The following VAV3 variants were observed in gnomAD, a reference collection of about 807,000 sequenced individuals.
VAV3 encodes guanine nucleotide exchange factor VAV3.
Under a neutral mutation model 131.2 loss-of-function variants are expected in VAV3, and 94 were observed. That is an observed-to-expected ratio of 0.72 (90% CI 0.61 to 0.85). VAV3 has a LOEUF of 0.85. Among genes scored for constraint, VAV3 ranks in the 40% least tolerant of loss-of-function variants. The pLI, the probability that VAV3 is intolerant of heterozygous loss-of-function variation, is 0.00. For synonymous variants in VAV3, 349 were observed against 342.0 expected (o/e 1.02, Z -0.22); for missense variants, 939 against 1,002.7 (o/e 0.94, Z 0.86).
chr1:107,668,899 C>T (rs1657588080), intron 19 of VAV3: 1 of 986,030 alleles, frequency 1.0e-6, no homozygotes, highest in South Asian at 4.7e-5. Flanking sequence ...CAGAGGCATG[C>T]TGTAACAGTT....
At chr1:107,865,922 A>G (rs1251783479) in intron 2 of VAV3, among the ~76,000 whole-genome samples, 1 of 152,174 alleles carries the variant, frequency 6.6e-6, no homozygotes, top group East Asian at 1.9e-4. Flanking sequence ...ACACAGTAAG[A>G]GACAAAATGG....
intron 25 of VAV3, among the ~76,000 whole-genome samples, chr1:107,577,106 A>T (rs951620834): frequency 5.3e-5 from 8 of 152,276 alleles, no homozygotes; most frequent in African/African-American, 1.9e-4. Flanking sequence ...TTTACTTTTA[A>T]TATAAGAGCT....
intron 20 of VAV3, among the ~76,000 whole-genome samples, chr1:107,633,196 T>C (rs1654636137): frequency 6.6e-6 from 1 of 152,090 alleles, no homozygotes; most frequent in African/African-American, 2.4e-5. Context: ...TGAAAAAAGA[T>C]ACTATACATA....
Position 107,895,294 on chromosome 1 carries a change from T to C in VAV3, c.205-20277A>G, listed in dbSNP as rs532071174. ...ATTTCCTCAAAGGTGTAGAAAACCATGGCTAACATTTGTATTCCACTTACA... is the reference window on the plus strand; with the variant it reads ...ATTTCCTCAAAGGTGTAGAAAACCACGGCTAACATTTGTATTCCACTTACA... On this transcript the variant is annotated intron_variant, in intron 1 of 26. Transcript: ENST00000370056. Among the ~76,000 whole-genome samples the C allele has an allele frequency of 1.5e-4, 23 of 152,304 alleles. No individual in the cohort carries two copies. In the East Asian group the frequency reaches 3.9e-3, roughly 26 times the overall value.
At chr1:107,623,031 C>T (rs1653724035) in intron 20 of VAV3, among the ~76,000 whole-genome samples, 1 of 152,172 alleles carries the variant, frequency 6.6e-6, no homozygotes. Flanking sequence ...GAGTCAGAAA[C>T]TAGCCTTTGG....
At chr1:107,821,651 A>G (rs1667797843) in intron 2 of VAV3, among the ~76,000 whole-genome samples, 1 of 152,232 alleles carries the variant, frequency 6.6e-6, no homozygotes, top group East Asian at 1.9e-4. Flanking sequence ...TGGAGGGGCC[A>G]GGACATGCAT....
intron 2 of VAV3, among the ~76,000 whole-genome samples, chr1:107,848,250 T>G (rs1419214591): frequency 6.6e-6 from 1 of 150,942 alleles, no homozygotes; most frequent in Non-Finnish European, 1.5e-5. Flanking sequence ...GAGGCGGAGC[T>G]TGCAGTGAGC....
intron 2 of VAV3, among the ~76,000 whole-genome samples, chr1:107,797,395 G>A (rs1339818794): frequency 6.6e-6 from 1 of 152,098 alleles, no homozygotes; most frequent in Non-Finnish European, 1.5e-5. Flanking sequence ...GGGATGAAAG[G>A]GCAAGGGAAA....
chr1:107,794,912 C>T (rs188128836), intron 2 of VAV3, among the ~76,000 whole-genome samples: 3 of 152,280 alleles, frequency 2.0e-5, no homozygotes, highest in Admixed American at 1.3e-4. Context: ...GTGGGGTGTG[C>T]CACTGATGCA....
In VAV3 at chr1:107,761,028, T is replaced by C. The variant is rs1570911874; in HGVS notation, c.922-149A>G. On this transcript the variant is annotated intron_variant, in intron 9 of 26. Coordinates refer to ENST00000370056, the MANE Select transcript of VAV3 (RefSeq NM_006113.5). ...GTAAATAACAGAAAGTATCTTCAAT[T>C]TAAAAAAACAAATCTTGTAGTACTT... 11 of 509,916 alleles carry C rather than the reference T, an allele frequency of 2.2e-5. No individual in the cohort carries two copies. The South Asian group carries it at 3.7e-4, about 17-fold the overall frequency. The allele number at this position is 509,916 out of a possible 1,614,324, so 31.6% of individuals were successfully genotyped here.
At chr1:107,712,300 C>T (rs1385112965) in intron 15 of VAV3, among the ~76,000 whole-genome samples, 1 of 152,184 alleles carries the variant, frequency 6.6e-6, no homozygotes, top group Non-Finnish European at 1.5e-5. Flanking sequence ...TGGCCCAACA[C>T]AAATCCGTAA....
rs758885983 is a variant in VAV3 at position 107,772,762 on chromosome 1, T to C, written c.528A>G (p.Leu176=). ...EDEGGEVYED[L]MKAEEAHQPK... is the part of the protein sequence containing the mutation. The stretch of plus-strand genomic sequence containing the variant: ...GCTGATGTGCTTCCTCTGCCTTCAT[T>C]AAGTCCTCATAGACTTCTCCACCTT... Residue 176 remains leucine (L), a synonymous_variant, in exon 5 of 27, where the codon TTA becomes TTG. Coordinates refer to ENST00000370056, the MANE Select transcript of VAV3 (RefSeq NM_006113.5). 6.2e-7 allele frequency: 1 copy of C among 1,613,800 alleles called. No homozygotes were observed. The highest frequency in any genetic ancestry group is 8.5e-7 in the Non-Finnish European group (1 of 1,179,852).
chr1:107,848,572 C>T (rs1034054583), intron 2 of VAV3, among the ~76,000 whole-genome samples: 9 of 152,046 alleles, frequency 5.9e-5, no homozygotes, highest in Non-Finnish European at 7.4e-5. Flanking sequence ...TGGAACATAT[C>T]GCAAAATAAT....
At chr1:107,710,812 C>T (rs1570800761) in intron 15 of VAV3, among the ~76,000 whole-genome samples, 1 of 152,016 alleles carries the variant, frequency 6.6e-6, no homozygotes, top group East Asian at 1.9e-4. Flanking sequence ...CAATTTATCA[C>T]ATTAATAAAG....
At chr1:107,945,377 T>C (rs909188976) in intron 1 of VAV3, among the ~76,000 whole-genome samples, 3 of 152,230 alleles carry the variant, frequency 2.0e-5, no homozygotes, top group African/African-American at 7.2e-5. Context: ...TTCCCTCTTG[T>C]TTACTGCTAC....
chr1:107,728,836 T>C (rs1251276459), intron 15 of VAV3, among the ~76,000 whole-genome samples: 1 of 152,168 alleles, frequency 6.6e-6, no homozygotes, highest in Non-Finnish European at 1.5e-5. Context: ...AGAATTATAA[T>C]TGTCACCAAG....
intron 12 of VAV3, among the ~76,000 whole-genome samples, chr1:107,752,735 C>A (rs558089568): frequency 4.6e-5 from 7 of 152,260 alleles, no homozygotes; most frequent in African/African-American, 1.7e-4. Flanking sequence ...AAATGCAAAT[C>A]AAACCCACGA....
rs772495306 is a variant in VAV3 at position 107,602,394 on chromosome 1, T to C, written c.2220+3A>G. On this transcript the variant is annotated splice_donor_region_variant and intron_variant, in intron 24 of 26. Transcript: ENST00000370056. ...AGATTGAAAAGAAATAATCAATGCT[T>C]ACCATTAAACTTTTAAATTTTCTAT... 5 of 1,538,166 alleles carry C rather than the reference T, an allele frequency of 3.3e-6. No individual in the cohort carries two copies. The highest frequency in any genetic ancestry group is 3.5e-4 in the Middle Eastern group (2 of 5,718).
chr1:107,891,099 TG>T (rs1310183625), intron 1 of VAV3, among the ~76,000 whole-genome samples: 1 of 152,038 alleles, frequency 6.6e-6, no homozygotes, highest in African/African-American at 2.4e-5. Context: ...CAGATGGTCC[TG>T]GTTCAAGCCC....
Sources: gnomAD v4.1 joint callset for allele counts (sites outside exome capture counted in the v4.1 genomes callset) on GRCh38, gnomAD v4.1.1 for gene constraint, MANE v1.5 for transcripts, NCBI Gene and HGNC (gene_info 2026-07-23, HGNC 2026-07-21) for gene names.